Variants in PAPPA2 observed in about 807,000 individuals in gnomAD.
PAPPA2 encodes the protein pappalysin-2.
PAPPA2 carries 86 observed loss-of-function variants against 176.4 expected under a neutral mutation model. The observed-to-expected ratio is 0.49, with a 90% CI of 0.41 to 0.58. The LOEUF (loss-of-function observed/expected upper bound fraction) is 0.58. PAPPA2 is among the 20% of genes least tolerant of loss of function. The pLI is 0.00. For missense variants in PAPPA2, 2,073 were observed against 2,256.9 expected, an observed-to-expected ratio of 0.92 and a Z score of 1.65; for synonymous variants, 809 against 852.2, an observed-to-expected ratio of 0.95 and a Z score of 0.88.
intron 3 of PAPPA2, among the ~76,000 whole-genome samples, chr1:176,618,939 T>C (rs1248256556): frequency 1.3e-5 from 2 of 152,100 alleles, no homozygotes; most frequent in African/African-American, 2.4e-5. Context: ...TTAAGTATTA[T>C]AGGAGTTTTA....
chr1:176,492,813 T>C (rs952387785), intron 1 of PAPPA2, among the ~76,000 whole-genome samples: 2 of 152,250 alleles, frequency 1.3e-5, no homozygotes, highest in African/African-American at 4.8e-5. Flanking sequence ...ATCTAATTTA[T>C]CACTCCTTGG....
At chr1:176,717,563 C>T (rs147848288) in intron 12 of PAPPA2, among the ~76,000 whole-genome samples, 11 of 152,346 alleles carry the variant, frequency 7.2e-5, no homozygotes, top group African/African-American at 2.6e-4. Context: ...CCTCTGCTGC[C>T]TCTTCATAAA....
intron 21 of PAPPA2, among the ~76,000 whole-genome samples, chr1:176,828,318 A>G (rs1197056739): frequency 6.6e-6 from 1 of 152,166 alleles, no homozygotes; most frequent in East Asian, 1.9e-4. Context: ...TACACACCAC[A>G]CACCTATATA....
chr1:176,770,928 C>G, intron 16 of PAPPA2, 39 bp from the exon 17 acceptor site: 1 of 1,582,032 alleles, frequency 6.3e-7, no homozygotes, highest in East Asian at 2.2e-5. Flanking sequence ...TCTGGGCTCT[C>G]TGTTCTGAGC....
In PAPPA2 at chr1:176,705,432, AT is replaced by A. The variant is rs554862449; in HGVS notation, c.3366-924del. 8.1e-4 allele frequency among the ~76,000 whole-genome samples: 124 copies of A among 152,280 alleles called. 1 individual carries two copies. Among genetic ancestry groups the A allele is most frequent in the African/African-American group, 2.7e-3 (113 of 41,560 alleles). On this transcript the variant is annotated intron_variant, in intron 9 of 22. Transcript: ENST00000367662. Reference sequence around the variant, plus strand: ...ATACTTTAAACAATAGATTAGAGCTATTTATGATGTTCTGGGTCTGAAAACA... The same window carrying A: ...ATACTTTAAACAATAGATTAGAGCTATTATGATGTTCTGGGTCTGAAAACA...
At chr1:176,471,450 T>C (rs573104920) in intron 1 of PAPPA2, among the ~76,000 whole-genome samples, 5 of 152,272 alleles carry the variant, frequency 3.3e-5, no homozygotes, top group East Asian at 1.9e-4. Context: ...AAAACACAAA[T>C]ATAGAAAACC....
intron 4 of PAPPA2, among the ~76,000 whole-genome samples, chr1:176,680,045 T>C (rs10454444): frequency 0.17 from 26,587 of 152,154 alleles, 2,483 homozygotes; most frequent in Middle Eastern, 0.23. Flanking sequence ...GAAGGAAGTA[T>C]AGAAGGAATG....
chr1:176,768,762 C>T (rs1276428956), intron 15 of PAPPA2, among the ~76,000 whole-genome samples: 1 of 152,046 alleles, frequency 6.6e-6, no homozygotes, highest in Admixed American at 6.5e-5. Context: ...GTAGGGCTGC[C>T]CTACTGAAAT....
chr1:176,605,790 G>C (rs1236489986), intron 3 of PAPPA2, among the ~76,000 whole-genome samples: 1 of 152,152 alleles, frequency 6.6e-6, no homozygotes. Context: ...CAGAGCTCCA[G>C]GTCTGCAAAT....
At chr1:176,753,027 C>A (rs548170229) in intron 14 of PAPPA2, among the ~76,000 whole-genome samples, 2 of 152,276 alleles carry the variant, frequency 1.3e-5, no homozygotes, top group Non-Finnish European at 2.9e-5. Flanking sequence ...TAGAGGGATG[C>A]AGTAGAAAGA....
intron 2 of PAPPA2, among the ~76,000 whole-genome samples, chr1:176,583,818 G>A (rs1345229770): frequency 6.6e-6 from 1 of 152,178 alleles, no homozygotes; most frequent in African/African-American, 2.4e-5. Context: ...ACTTTGGGAG[G>A]CTTAGGTGGG....
intron 12 of PAPPA2, among the ~76,000 whole-genome samples, chr1:176,737,032 A>G (rs543996379): frequency 3.3e-5 from 5 of 151,478 alleles, no homozygotes; most frequent in Non-Finnish European, 7.4e-5. Context: ...TTAAATTTTT[A>G]TTTTTTTTAC....
intron 9 of PAPPA2, among the ~76,000 whole-genome samples, chr1:176,703,803 C>T (rs1660762770): frequency 6.6e-6 from 1 of 152,236 alleles, no homozygotes; most frequent in Admixed American, 6.5e-5. Context: ...GAGGTCACCT[C>T]AACCTTGCTC....
At chr1:176,599,378 T>G (rs1480642055) in intron 3 of PAPPA2, among the ~76,000 whole-genome samples, 4 of 152,066 alleles carry the variant, frequency 2.6e-5, no homozygotes, top group African/African-American at 9.7e-5. Flanking sequence ...TCTCTTAAAC[T>G]GTTACTTTGA....
intron 17 of PAPPA2, among the ~76,000 whole-genome samples, chr1:176,776,288 C>T (rs987650998): frequency 2.0e-5 from 3 of 152,152 alleles, no homozygotes; most frequent in Admixed American, 6.6e-5. Flanking sequence ...AACTTCTAAA[C>T]GATTCAAACC....
intron 14 of PAPPA2, among the ~76,000 whole-genome samples, chr1:176,761,687 G>A (rs1331720108): frequency 6.6e-6 from 1 of 152,202 alleles, no homozygotes; most frequent in African/African-American, 2.4e-5. Context: ...GTGGGAGATG[G>A]CCCGGTGGTC....
intron 3 of PAPPA2, among the ~76,000 whole-genome samples, chr1:176,628,635 G>A (rs754239928): frequency 2.6e-5 from 4 of 152,140 alleles, no homozygotes; most frequent in Non-Finnish European, 4.4e-5. Flanking sequence ...AGCATATACA[G>A]GTACATGTTG....
In PAPPA2 at chr1:176,772,020, A is replaced by G. The variant is rs551523883; in HGVS notation, c.4715+840A>G. ...AATGCTTGCATCCATGTTGAGTTGA[A>G]GGATAATTCAACCTTCAACTCAATA... is the stretch of plus-strand genomic sequence containing the variant. On this transcript the variant is annotated intron_variant, in intron 17 of 22. Transcript: ENST00000367662. Among the ~76,000 whole-genome samples the G allele has an allele frequency of 2.0e-5, 3 of 152,306 alleles. No individual in the cohort carries two copies. In the East Asian group the frequency reaches 5.8e-4, roughly 29 times the overall value.
At chr1:176,521,777 G>C (rs1343051328) in intron 1 of PAPPA2, among the ~76,000 whole-genome samples, 5 of 152,154 alleles carry the variant, frequency 3.3e-5, no homozygotes, top group Admixed American at 6.5e-5. Context: ...GTGGCAGATA[G>C]TCCTTATACT....
Sources: gnomAD v4.1 joint callset for allele counts (sites outside exome capture counted in the v4.1 genomes callset) on GRCh38, gnomAD v4.1.1 for gene constraint, MANE v1.5 for transcripts, NCBI Gene and HGNC (gene_info 2026-07-23, HGNC 2026-07-21) for gene names.